The following PRAME variants were observed in gnomAD, a reference collection of about 807,000 sequenced individuals.
PRAME encodes the protein melanoma antigen preferentially expressed in tumors.
In PRAME, 21 loss-of-function variants were observed where a neutral mutation model predicts 32.1. That is an observed-to-expected ratio of 0.65 (90% CI 0.46 to 0.94). PRAME has a LOEUF of 0.94. Ranked by LOEUF, PRAME falls within the 40% of genes least tolerant of loss-of-function variation. The pLI is 0.00. For synonymous variants in PRAME, 274 were observed against 251.5 expected (o/e 1.09, Z -0.85); for missense variants, 651 against 622.3 (o/e 1.05, Z -0.49).
chr22:22,548,612 T>C lies in PRAME; in HGVS notation c.985A>G (p.Ile329Val), dbSNP rs1396085065. 7 of 1,606,344 alleles carry C rather than the reference T, an allele frequency of 4.4e-6. No individual in the cohort carries two copies. Among genetic ancestry groups the C allele is most frequent in the South Asian group, 1.1e-5 (1 of 90,950 alleles). ...HVMNPLETLS[I>V]TNCRLSEGDV... ...CCTTCCGAAAGCCGGCAGTTAGTTA[T>C]TGAGAGGGTTTCCAAGGGGTTCATC... is the stretch of plus-strand genomic sequence containing the variant. Residue 329 changes from isoleucine (I) to valine (V), a missense_variant, in exon 6 of 6, where the codon ATA (isoleucine) becomes GTA (valine). Ile to Val is a conservative substitution (Grantham distance 29). Transcript: ENST00000405655.
intron 3 of PRAME, chr22:22,555,814 A>G: frequency 2.2e-6 from 1 of 460,290 alleles, no homozygotes; most frequent in Non-Finnish European, 4.6e-6. Flanking sequence ...CTTGTTGCTC[A>G]CTTCCCAGGA....
chr22:22,557,097 G>A (rs1569230637), intron 2 of PRAME, 188 bp from the exon 3 acceptor site: 3 of 553,452 alleles, frequency 5.4e-6, no homozygotes, highest in South Asian at 4.2e-5. Flanking sequence ...CTGAACCAGG[G>A]GGCAGGAGGA....
Position 22,550,346 on chromosome 22 carries a change from A to C in PRAME, c.345-12T>G. 2 of 1,609,484 alleles carry C rather than the reference A, an allele frequency of 1.2e-6. No homozygotes were observed. The highest frequency in any genetic ancestry group is 1.7e-6 in the Non-Finnish European group (2 of 1,178,772). On this transcript the variant is annotated splice_polypyrimidine_tract_variant and intron_variant, in intron 4 of 5. Transcript: ENST00000405655. ...GAAGTTTCCACCTCCTGTGGGGAAA[A>C]ACAGGTAATTAGCTGAGATGATGCT...
chr22:22,553,024 T>C, intron 3 of PRAME: 1 of 445,778 alleles, frequency 2.2e-6, no homozygotes, highest in South Asian at 1.7e-5. Context: ...GGTTTTTTAC[T>C]TACTTCAGGT....
At position 22,548,220 on chromosome 22, in the gene PRAME, C is replaced by A. The variant is rs145460993; in HGVS notation, c.1377G>T (p.Arg459Ser). The A allele has an allele frequency of 4.2e-4, 675 of 1,613,862 alleles. No individual in the cohort carries two copies. Among genetic ancestry groups the A allele is most frequent in the Non-Finnish European group, 5.4e-4 (642 of 1,179,968 alleles). Residue 459 changes from arginine to serine, a missense_variant, in exon 6 of 6, where the codon AGG (arginine) becomes AGT (serine). Transcript: ENST00000405655. ...EDIHGTLHLE[R>S]LAYLHARLRE... ...TGAGCCTGGCATGCAGATAGGCAAG[C>A]CTCTCCAGGTGGAGGGTACCATGGA...
intron 3 of PRAME, chr22:22,553,010 A>C: frequency 2.2e-6 from 1 of 460,562 alleles, no homozygotes; most frequent in Non-Finnish European, 4.5e-6. Flanking sequence ...GTGAATCCTG[A>C]TGGGGTTTTT....
At chr22:22,554,701 A>AG (rs1412115272) in intron 3 of PRAME, among the ~76,000 whole-genome samples, 5 of 151,946 alleles carry the variant, frequency 3.3e-5, no homozygotes, top group Non-Finnish European at 7.4e-5. Flanking sequence ...CCAAGCAAGC[A>AG]GGAATTGGTA....
rs145460993 is a variant in PRAME at position 22,548,220 on chromosome 22, C to T, written c.1377G>A (p.Arg459=). 5.1e-5 allele frequency: 83 copies of T among 1,613,746 alleles called. No individual in the cohort carries two copies. The highest frequency in any genetic ancestry group is 6.6e-5 in the Non-Finnish European group (78 of 1,179,976). Residue 459 remains arginine, a synonymous_variant, in exon 6 of 6, where the codon AGG becomes AGA. Coordinates refer to ENST00000405655, the MANE Select transcript of PRAME (RefSeq NM_206956.3). ...TGAGCCTGGCATGCAGATAGGCAAG[C>T]CTCTCCAGGTGGAGGGTACCATGGA... is the stretch of plus-strand genomic sequence containing the variant. ...EDIHGTLHLE[R]LAYLHARLRE...
At chr22:22,556,616 G>C (rs376743835) in intron 3 of PRAME, among the ~76,000 whole-genome samples, 196 bp downstream of exon 3, 1 of 151,890 alleles carries the variant, frequency 6.6e-6, no homozygotes, top group Admixed American at 6.6e-5. Context: ...CGACCCTAGG[G>C]TTGACTCTCA....
At chr22:22,549,580 G>T in intron 5 of PRAME, 146 bp downstream of exon 5, 1 of 1,053,510 alleles carries the variant, frequency 9.5e-7, no homozygotes, top group Non-Finnish European at 1.3e-6. Context: ...CATGCTTGGG[G>T]ACAGTGGTGA....
Position 22,548,218 on chromosome 22 carries a change from A to G in PRAME, c.1379T>C (p.Leu460Pro). 1 of 1,613,870 alleles carries G rather than the reference A, an allele frequency of 6.2e-7. No homozygotes were observed. Among genetic ancestry groups the G allele is most frequent in the Non-Finnish European group, 8.5e-7 (1 of 1,179,966 alleles). ...CCTGAGCCTGGCATGCAGATAGGCA[A>G]GCCTCTCCAGGTGGAGGGTACCATG... is the stretch of plus-strand genomic sequence containing the variant. ...DIHGTLHLER[L>P]AYLHARLREL... Residue 460 changes from leucine (L) to proline (P), a missense_variant, in exon 6 of 6, where the codon CTT becomes CCT. Coordinates refer to ENST00000405655, the MANE Select transcript of PRAME (RefSeq NM_206956.3).
At chr22:22,549,622 A>C in intron 5 of PRAME, 104 bp downstream of exon 5, 1 of 1,410,656 alleles carries the variant, frequency 7.1e-7, no homozygotes, top group Non-Finnish European at 9.4e-7. Context: ...TGACTTGCTC[A>C]CTCTTGCATT....
At chr22:22,556,756 A>G in intron 3 of PRAME, 56 bp downstream of exon 3, 4 of 1,604,570 alleles carry the variant, frequency 2.5e-6, no homozygotes, top group Non-Finnish European at 2.6e-6. Flanking sequence ...AGTGACAAGG[A>G]CAGAGGGGAA....
rs770666096 is a variant in PRAME, at chr22:22,548,253, A to G, written c.1344T>C (p.Tyr448=). The change falls in exon 6 of 6, where the codon TAT becomes TAC. Residue 448 remains tyrosine (Y), a synonymous_variant. Coordinates refer to ENST00000405655, the MANE Select transcript of PRAME (RefSeq NM_206956.3). The stretch of plus-strand genomic sequence containing the variant: ...GGTGGAGGGTACCATGGATGTCCTC[A>G]TAACTCTCCAGGGGGACAGGATACA... ...HVLYPVPLES[Y]EDIHGTLHLE... The G allele has an allele frequency of 6.8e-6, 11 of 1,613,748 alleles. No homozygotes were observed. Among genetic ancestry groups the G allele is most frequent in the East Asian group, 2.2e-5 (1 of 44,804 alleles).
chr22:22,554,237 G>A, intron 3 of PRAME: 3 of 985,120 alleles, frequency 3.0e-6, no homozygotes, highest in Non-Finnish European at 3.6e-6. Context: ...TCTGCCTCAT[G>A]CACTGTGAAG....
intron 3 of PRAME, 31 bp downstream of exon 3, chr22:22,556,781 G>C: frequency 6.2e-7 from 1 of 1,612,374 alleles, no homozygotes; most frequent in Admixed American, 1.7e-5. Context: ...GCTTCTCTGA[G>C]CACCTCAGAC....
rs2062362347 is a variant in PRAME, at chr22:22,548,364, T to C, written c.1233A>G (p.Leu411=). The C allele has an allele frequency of 1.9e-6, 3 of 1,613,292 alleles. No homozygotes were observed. In the African/African-American group the frequency reaches 4.0e-5, roughly 22 times the overall value. ...SLSHCSQLTT[L]SFYGNSISIS... Reference sequence around the variant, plus strand: ...TGGAGATGGAATTCCCGTAGAAGCTTAAGGTCGTAAGCTGGGAGCAGTGGC... The same window carrying C: ...TGGAGATGGAATTCCCGTAGAAGCTCAAGGTCGTAAGCTGGGAGCAGTGGC... Residue 411 remains leucine, a synonymous_variant, in exon 6 of 6, where the codon TTA becomes TTG. Coordinates refer to ENST00000405655, the MANE Select transcript of PRAME (RefSeq NM_206956.3).
chr22:22,557,081 C>T, intron 2 of PRAME, 172 bp from the exon 3 acceptor site: 1 of 578,060 alleles, frequency 1.7e-6, no homozygotes, highest in South Asian at 2.0e-5. Flanking sequence ...ACCAGTGTTT[C>T]CTGGGCTGAA....
At position 22,551,264 on chromosome 22, in the gene PRAME, G is replaced by C. The variant is rs866671567; in HGVS notation, c.22-175C>G. 3.3e-5 allele frequency among the ~76,000 whole-genome samples: 5 copies of C among 151,938 alleles called. No homozygotes were observed. The South Asian group carries it at 1.0e-3, about 32-fold the overall frequency. ...TGCACTCGGTGGCCACAAAGCCACA[G>C]CTCTGCTGGCACCAGGATGAACATC... On this transcript the variant is annotated intron_variant, in intron 3 of 5. Transcript: ENST00000405655.
Sources: gnomAD v4.1 joint callset for allele counts (sites outside exome capture counted in the v4.1 genomes callset) on GRCh38, gnomAD v4.1.1 for gene constraint, MANE v1.5 for transcripts, NCBI Gene and HGNC (gene_info 2026-07-23, HGNC 2026-07-21) for gene names.